Variants in NBDY observed in about 807,000 individuals in gnomAD.
The protein encoded by NBDY is P-body dissociating protein.
chrX:56,781,990 TTG>T (rs1348092570), intron 2 of NBDY, among the ~76,000 whole-genome samples: 1 of 111,769 alleles, frequency 8.9e-6, no homozygotes, highest in Non-Finnish European at 1.9e-5. Context: ...CAGCCTACAC[TTG>T]TGTACTCTGT....
intron 2 of NBDY, among the ~76,000 whole-genome samples, chrX:56,782,346 CTCT>C (rs1338593658): frequency 9.1e-6 from 1 of 109,542 alleles, no homozygotes; most frequent in Non-Finnish European, 1.9e-5. Context: ...CTTCTTTTGC[CTCT>C]TCTTCTTTTT....
intron 2 of NBDY, among the ~76,000 whole-genome samples, chrX:56,797,219 C>T (rs2069797023): frequency 9.5e-6 from 1 of 105,655 alleles, no homozygotes; most frequent in Non-Finnish European, 1.9e-5. Flanking sequence ...CCTCCTTCTC[C>T]TTCTTCTTTT....
intron 2 of NBDY, among the ~76,000 whole-genome samples, chrX:56,753,711 G>C (rs1041559021): frequency 9.0e-6 from 1 of 111,620 alleles, no homozygotes; most frequent in Non-Finnish European, 1.9e-5. Context: ...ACTATCTCAA[G>C]AAAGAGGGTG....
At position 56,792,387 on chromosome X, in the gene NBDY, G is replaced by A. The variant is rs1294628320; in HGVS notation, c.*167-24933G>A. ...TCCAGTCAAGCCATGTGAACACATT[G>A]ATCTGGATATCAGGGTGTGCAGGCA... On this transcript the variant is annotated intron_variant, in intron 2 of 2. Transcript: ENST00000374922. 4.5e-5 allele frequency among the ~76,000 whole-genome samples: 5 copies of A among 110,996 alleles called. No homozygotes were observed. In the Admixed American group the frequency reaches 4.8e-4, roughly 11 times the overall value.
chrX:56,760,897 G>A (rs1203919158), intron 2 of NBDY, among the ~76,000 whole-genome samples: 1 of 111,353 alleles, frequency 9.0e-6, no homozygotes, highest in Non-Finnish European at 1.9e-5. Context: ...GTGGCATGAT[G>A]TGGGGAGGTT....
At chrX:56,767,628 G>C (rs1291223637) in intron 2 of NBDY, among the ~76,000 whole-genome samples, 1 of 113,538 alleles carries the variant, frequency 8.8e-6, no homozygotes, top group East Asian at 2.8e-4. Context: ...GAGGGGCTTA[G>C]CAACTGGGCC....
intron 2 of NBDY, among the ~76,000 whole-genome samples, chrX:56,783,068 C>T (rs1156281873): frequency 8.9e-6 from 1 of 112,878 alleles, no homozygotes. Flanking sequence ...CACAACACCT[C>T]AGGCACGAAA....
intron 2 of NBDY, among the ~76,000 whole-genome samples, chrX:56,758,330 A>G (rs1196605172): frequency 6.4e-5 from 7 of 109,721 alleles, no homozygotes; most frequent in East Asian, 2.9e-4. Context: ...AAAAAAAAAA[A>G]AAAGAAAGAA....
At chrX:56,751,131 A>C (rs2069582899) in intron 2 of NBDY, among the ~76,000 whole-genome samples, 1 of 107,173 alleles carries the variant, frequency 9.3e-6, no homozygotes, top group Admixed American at 1.0e-4. Context: ...AACTCACACA[A>C]CTTTTTTTTT....
chrX:56,741,247 A>G (rs1473540360), intron 2 of NBDY, among the ~76,000 whole-genome samples: 1 of 111,775 alleles, frequency 8.9e-6, no homozygotes, highest in Non-Finnish European at 1.9e-5. Flanking sequence ...TCTGTTGATG[A>G]ACCCTTAGGT....
chrX:56,786,880 GT>G (rs2069732254), intron 2 of NBDY, among the ~76,000 whole-genome samples: 1 of 111,348 alleles, frequency 9.0e-6, no homozygotes, highest in African/African-American at 3.3e-5. Context: ...GAGGTCACCA[GT>G]TTAGTCCTTC....
At chrX:56,753,702 C>G (rs752897961) in intron 2 of NBDY, among the ~76,000 whole-genome samples, 1 of 111,078 alleles carries the variant, frequency 9.0e-6, no homozygotes, top group South Asian at 3.8e-4. Context: ...AGGGAAGAAA[C>G]TATCTCAAGA....
At position 56,729,473 on chromosome X, in the gene NBDY, T is replaced by C. The variant is rs763150298; in HGVS notation, c.120T>C (p.Thr40=). The C allele has an allele frequency of 2.0e-5, 6 of 295,915 alleles. No individual in the cohort carries two copies. In the East Asian group the frequency reaches 2.9e-4, roughly 14 times the overall value. 24.4% of individuals were successfully genotyped at this position (295,915 alleles called of 1,213,427 possible). ...LAPRWDYPEG[T]PNGGSTTLPS... ...CGCGTTGGGATTATCCGGAAGGAAC[T>C]CCCAACGGAGGTAGTACCACTCTAC... Residue 40 remains threonine (T), a synonymous_variant, in exon 1 of 3, where the codon ACT becomes ACC. Coordinates refer to ENST00000374922, the MANE Select transcript of NBDY (RefSeq NM_001348129.2).
intron 2 of NBDY, among the ~76,000 whole-genome samples, chrX:56,745,710 T>C (rs770249814): frequency 9.0e-6 from 1 of 111,399 alleles, no homozygotes; most frequent in Non-Finnish European, 1.9e-5. Context: ...TTAGTCTTTT[T>C]AAATCTAGAA....
At chrX:56,798,873 G>T (rs375398640) in intron 2 of NBDY, among the ~76,000 whole-genome samples, 1 of 112,009 alleles carries the variant, frequency 8.9e-6, no homozygotes, top group Admixed American at 9.4e-5. Context: ...TCTCCCTCCT[G>T]TCTTTTTCTC....
At chrX:56,749,346 G>A (rs762847122) in intron 2 of NBDY, among the ~76,000 whole-genome samples, 44 of 111,079 alleles carry the variant, frequency 4.0e-4, no homozygotes, top group African/African-American at 1.4e-3. Flanking sequence ...TGTTAATCTA[G>A]ACCTTGAATT....
intron 2 of NBDY, among the ~76,000 whole-genome samples, chrX:56,759,548 C>T (rs1296498695): frequency 1.8e-5 from 2 of 110,033 alleles, no homozygotes; most frequent in Non-Finnish European, 3.8e-5. Flanking sequence ...GGCGGAGGAC[C>T]TCGGGGTGGA....
intron 2 of NBDY, chrX:56,737,589 T>C: frequency 1.9e-6 from 1 of 535,533 alleles, no homozygotes; most frequent in Non-Finnish European, 3.1e-6. Context: ...TTGACCTGCT[T>C]TAATTTTTTT....
chrX:56,756,228 A>T (rs1301210745), intron 2 of NBDY, among the ~76,000 whole-genome samples: 1 of 108,854 alleles, frequency 9.2e-6, no homozygotes, highest in Non-Finnish European at 1.9e-5. Context: ...CCAGCATGGC[A>T]CATGTATACA....
Sources: allele counts gnomAD v4.1 joint callset (sites outside exome capture counted in the v4.1 genomes callset), GRCh38; gene constraint gnomAD v4.1.1; transcripts MANE v1.5; gene names NCBI Gene and HGNC (gene_info 2026-07-23, HGNC 2026-07-21).